ZBED4: variants seen among roughly 807,000 people sequenced by gnomAD.
ZBED4 encodes zinc finger BED-type containing 4, also known as zinc finger BED domain-containing protein 4.
In ZBED4, 4 loss-of-function variants were observed where a neutral mutation model predicts 15.5. The observed-to-expected ratio is 0.26, with a 90% CI of 0.13 to 0.59. ZBED4 has a LOEUF of 0.59. Among genes scored for constraint, ZBED4 ranks in the 20% least tolerant of loss-of-function variants. ZBED4 has a pLI of 0.90. For missense variants in ZBED4, 1,323 were observed against 1,461.8 expected, an observed-to-expected ratio of 0.91 and a Z score of 1.55; for synonymous variants, 692 against 608.5, an observed-to-expected ratio of 1.14 and a Z score of -2.02.
At chr22:49,871,753 A>ATTT (rs761012447) in intron 1 of ZBED4, among the ~76,000 whole-genome samples, 109 of 46,822 alleles carry the variant, frequency 2.3e-3, no homozygotes, top group South Asian at 0.015. Flanking sequence ...TTATTTATTT[A>ATTT]TTTATTTTTT....
chr22:49,858,764 G>T (rs1014536968), intron 1 of ZBED4, among the ~76,000 whole-genome samples: 3 of 152,188 alleles, frequency 2.0e-5, no homozygotes, highest in Non-Finnish European at 4.4e-5. Context: ...CCAGTCCACG[G>T]TCTGAAGTTG....
intron 1 of ZBED4, among the ~76,000 whole-genome samples, chr22:49,871,908 G>T (rs898311501): frequency 6.6e-6 from 1 of 151,884 alleles, no homozygotes. Context: ...AACATGCCCA[G>T]CTAATTTTTG....
At chr22:49,877,331 G>A (rs991441476) in intron 1 of ZBED4, among the ~76,000 whole-genome samples, 3 of 151,032 alleles carry the variant, frequency 2.0e-5, no homozygotes, top group South Asian at 2.1e-4. Context: ...TTGCTCTGTC[G>A]CCCAGGCTGG....
At position 49,887,838 on chromosome 22, in the gene ZBED4, G is replaced by T. The variant is rs2060448312; in HGVS notation, c.*660G>T. 1 of 167,246 alleles carries T rather than the reference G, an allele frequency of 6.0e-6. No individual in the cohort carries two copies. Among genetic ancestry groups the T allele is most frequent in the South Asian group, 2.1e-4 (1 of 4,836 alleles). The allele number at this position is 167,246 out of a possible 1,614,324, so 10.4% of individuals were successfully genotyped here. ...TCTGCATTCAGGCTTTACATGGTCA[G>T]TTAACTCAGAGATACCCCAGCTGTT... is the stretch of plus-strand genomic sequence containing the variant. On this transcript the variant is annotated 3_prime_UTR_variant, in exon 2 of 2. Transcript: ENST00000216268.
At chr22:49,856,130 G>GTCA (rs2060273849) in intron 1 of ZBED4, among the ~76,000 whole-genome samples, 1 of 152,178 alleles carries the variant, frequency 6.6e-6, no homozygotes, top group Non-Finnish European at 1.5e-5. Context: ...CCCTTCCTTG[G>GTCA]TCATCACTGG....
chr22:49,884,919 C>T lies in ZBED4; in HGVS notation c.1257C>T (p.Asp419=), dbSNP rs752933692. 8.7e-6 allele frequency: 14 copies of T among 1,605,844 alleles called. No individual in the cohort carries two copies. The highest frequency in any genetic ancestry group is 6.7e-5 in the East Asian group (3 of 44,830). ...TGGCGGCCTTCTCATCTTCCGATGACATAGGGGAGGCCTCGGCGTCCTCTC... is the reference window on the plus strand; with the variant it reads ...TGGCGGCCTTCTCATCTTCCGATGATATAGGGGAGGCCTCGGCGTCCTCTC... ...EDVAAFSSSD[D]IGEASASSPE... The change falls in exon 2 of 2, where the codon GAC becomes GAT. Residue 419 remains aspartate, a synonymous_variant. Coordinates refer to ENST00000216268, the MANE Select transcript of ZBED4 (RefSeq NM_014838.3).
intron 1 of ZBED4, among the ~76,000 whole-genome samples, chr22:49,879,291 A>G (rs1161610355): frequency 6.7e-6 from 1 of 149,910 alleles, no homozygotes; most frequent in Non-Finnish European, 1.5e-5. Context: ...CGCCGCGCTA[A>G]TTTTTTTGTA....
chr22:49,883,202 G>C (rs1322932401), intron 1 of ZBED4, 132 bp from the exon 2 acceptor site: 2 of 152,702 alleles, frequency 1.3e-5, no homozygotes, highest in African/African-American at 4.8e-5. Context: ...GGAAGTCAGA[G>C]AACAAGTTTT....
rs2060459292 is a variant in ZBED4 at position 49,889,889 on chromosome 22, A to G, written c.*2711A>G. 6.0e-6 allele frequency: 1 copy of G among 167,080 alleles called. No individual in the cohort carries two copies. The allele number at this position is 167,080 out of a possible 1,614,324, so 10.3% of individuals were successfully genotyped here. ...GAGCTGTTTGTTTCCCTGCCTGGAA[A>G]TGATGTTTTAGGCAGGTTCCTTAAT... On this transcript the variant is annotated 3_prime_UTR_variant, in exon 2 of 2. Transcript: ENST00000216268.
At chr22:49,879,323 C>T (rs578021190) in intron 1 of ZBED4, among the ~76,000 whole-genome samples, 14 of 151,844 alleles carry the variant, frequency 9.2e-5, no homozygotes, top group East Asian at 2.0e-4. Context: ...GACCAGGTTT[C>T]GCCATATTGG....
chr22:49,873,799 G>C (rs1480344905), intron 1 of ZBED4, among the ~76,000 whole-genome samples: 1 of 152,232 alleles, frequency 6.6e-6, no homozygotes, highest in Non-Finnish European at 1.5e-5. Context: ...CTGTTTTGAA[G>C]AGAGAACAGC....
chr22:49,878,510 T>C (rs2060390150), intron 1 of ZBED4, among the ~76,000 whole-genome samples: 1 of 152,176 alleles, frequency 6.6e-6, no homozygotes, highest in African/African-American at 2.4e-5. Flanking sequence ...GGAGAAAGGA[T>C]TGTCCTTTCA....
At position 49,886,259 on chromosome 22, in the gene ZBED4, C is replaced by G. The variant is rs374350557; in HGVS notation, c.2597C>G (p.Ala866Gly). 2 of 1,255,914 alleles carry G rather than the reference C, an allele frequency of 1.6e-6. No homozygotes were observed. Among genetic ancestry groups the G allele is most frequent in the Non-Finnish European group, 2.3e-6 (2 of 880,994 alleles). 77.8% of individuals were successfully genotyped at this position (1,255,914 alleles called of 1,614,324 possible). Reference protein sequence around the residue: ...ICERVHRSPKAKEKLAELQRE... With the variant: ...ICERVHRSPKGKEKLAELQRE... Reference sequence around the variant, plus strand: ...GAGCGGGTGCACCGGTCGCCCAAGGCGAAGGAGAAACTGGCCGAGCTGCAG... The same window carrying G: ...GAGCGGGTGCACCGGTCGCCCAAGGGGAAGGAGAAACTGGCCGAGCTGCAG... Residue 866 changes from alanine (A) to glycine (G), a missense_variant, in exon 2 of 2, where the codon GCG (alanine) becomes GGG (glycine). Ala to Gly is a moderately conservative substitution (Grantham distance 60). Around this residue, in one of 6 missense-constraint regions of ZBED4, gnomAD observed 100 missense variants for 79.3 expected, o/e 1.26. Coordinates refer to ENST00000216268, the MANE Select transcript of ZBED4 (RefSeq NM_014838.3). This position sits in a 1 kb window ranked among gnomAD's most constrained non-coding sequence, Gnocchi z 7.7.
At position 49,888,273 on chromosome 22, in the gene ZBED4, A is replaced by G. The variant is rs983626527; in HGVS notation, c.*1095A>G. On this transcript the variant is annotated 3_prime_UTR_variant, in exon 2 of 2. Transcript: ENST00000216268. ...AGATTCATTTTCTCATTTTAAACCA[A>G]TTAAATATTCTGAGTGAGACTAATC... 2 of 166,928 alleles carry G rather than the reference A, an allele frequency of 1.2e-5. No homozygotes were observed. Among genetic ancestry groups the G allele is most frequent in the Non-Finnish European group, 2.9e-5 (2 of 68,124 alleles). The allele number at this position is 166,928 out of a possible 1,614,324, so 10.3% of individuals were successfully genotyped here. A position where few individuals can be genotyped will look rare whatever the true frequency, so the allele number is the denominator to read the frequency against.
At chr22:49,860,166 G>A (rs1220474954) in intron 1 of ZBED4, among the ~76,000 whole-genome samples, 2 of 152,156 alleles carry the variant, frequency 1.3e-5, no homozygotes, top group Non-Finnish European at 2.9e-5. Flanking sequence ...GGGCATGATG[G>A]TATGTGCCTG....
At chr22:49,871,022 C>G (rs979586459) in intron 1 of ZBED4, among the ~76,000 whole-genome samples, 8 of 150,942 alleles carry the variant, frequency 5.3e-5, no homozygotes, top group African/African-American at 2.0e-4. Flanking sequence ...CTAACTGCAA[C>G]CTCCATCTCC....
chr22:49,853,627 C>A (rs1601777576), upstream of ZBED4, among the ~76,000 whole-genome samples: 1 of 152,046 alleles, frequency 6.6e-6, no homozygotes. Context: ...AGTTTGCCCT[C>A]CTGGACCCGG....
At chr22:49,863,410 C>T (rs543386137) in intron 1 of ZBED4, among the ~76,000 whole-genome samples, 1 of 152,180 alleles carries the variant, frequency 6.6e-6, no homozygotes, top group Non-Finnish European at 1.5e-5. Context: ...AGGCGGATCA[C>T]GAGGTCAAGA....
chr22:49,867,617 A>G (rs2060328176), intron 1 of ZBED4, among the ~76,000 whole-genome samples: 1 of 152,094 alleles, frequency 6.6e-6, no homozygotes, highest in Admixed American at 6.5e-5. Context: ...CACCCACCTC[A>G]GCAGCTTGGT....
Sources: gnomAD v4.1 joint callset for allele counts (sites outside exome capture counted in the v4.1 genomes callset) on GRCh38, gnomAD v4.1.1 for gene constraint, gnomAD v4.1.1 regional missense constraint, Gnocchi (gnomAD v3.1) non-coding constraint, MANE v1.5 for transcripts, NCBI Gene and HGNC (gene_info 2026-07-23, HGNC 2026-07-21) for gene names.